Variants in MYOZ1 observed in about 807,000 individuals in gnomAD.
MYOZ1 encodes myozenin 1.
A neutral mutation model predicts 28.7 loss-of-function variants in MYOZ1; 20 were observed. The ratio of observed to expected loss-of-function variants is 0.70; its 90% CI spans 0.49 to 1.01. The LOEUF (loss-of-function observed/expected upper bound fraction) is 1.01. MYOZ1 is among the 50% of genes least tolerant of loss of function. MYOZ1 has a pLI of 0.00. For synonymous variants in MYOZ1, 144 were observed against 145.8 expected, an observed-to-expected ratio of 0.99 and a Z score of 0.09; for missense variants, 371 against 372.4, an observed-to-expected ratio of 1.00 and a Z score of 0.03.
rs1034761966 is a variant in MYOZ1, at chr10:73,631,693, G to A, written c.*237C>T. The A allele has an allele frequency of 2.0e-6, 1 of 494,402 alleles. No homozygotes were observed. The highest frequency in any genetic ancestry group is 3.7e-6 in the Non-Finnish European group (1 of 272,986). 30.6% of individuals were successfully genotyped at this position (494,402 alleles called of 1,614,324 possible). ...AGTTTATTGACTGTTACTGGTGGCA[G>A]AGCAAATTCCATAAACGAGCAGGTT... On this transcript the variant is annotated 3_prime_UTR_variant, in exon 6 of 6. Coordinates refer to ENST00000359322, the MANE Select transcript of MYOZ1 (RefSeq NM_021245.4).
intron 1 of MYOZ1, among the ~76,000 whole-genome samples, chr10:73,640,913 G>A (rs559153260): frequency 4.5e-4 from 68 of 152,226 alleles, no homozygotes; most frequent in African/African-American, 1.6e-3. Flanking sequence ...AATCACTCCC[G>A]CCACAGACCC....
At chr10:73,638,238 T>C (rs985101124) in intron 2 of MYOZ1, among the ~76,000 whole-genome samples, 8 of 151,600 alleles carry the variant, frequency 5.3e-5, no homozygotes, top group African/African-American at 1.9e-4. Context: ...GGAGAAACCA[T>C]GGCATCAGGA....
intron 3 of MYOZ1, among the ~76,000 whole-genome samples, chr10:73,637,014 C>CTTTTTT (rs1229338667): frequency 1.5e-5 from 2 of 132,646 alleles, no homozygotes; most frequent in African/African-American, 5.6e-5. Flanking sequence ...TTTTTTCTTT[C>CTTTTTT]TTTTTTTTTT....
At position 73,637,832 on chromosome 10, in the gene MYOZ1, C is replaced by T. The variant is rs145031411; in HGVS notation, c.164G>A (p.Arg55Gln). 1.4e-5 allele frequency: 23 copies of T among 1,613,938 alleles called. No individual in the cohort carries two copies. In the African/African-American group the frequency reaches 2.3e-4, roughly 16 times the overall value. ...CCGCAGTTTGAACATCTTGGAGCCC[C>T]GGTTGGTAAGCAGCGACAGTTCCTC... ...MLEELSLLTN[R>Q]GSKMFKLRQM... The change falls in exon 3 of 6, where the codon CGG (arginine) becomes CAG (glutamine). Residue 55 changes from arginine (R) to glutamine (Q), a missense_variant. Coordinates refer to ENST00000359322, the MANE Select transcript of MYOZ1 (RefSeq NM_021245.4).
At chr10:73,640,542 C>T (rs750173578) in intron 1 of MYOZ1, among the ~76,000 whole-genome samples, 1 of 152,160 alleles carries the variant, frequency 6.6e-6, no homozygotes, top group South Asian at 2.1e-4. Flanking sequence ...TAGATGCACA[C>T]CAGCCCCTGT....
Position 73,637,731 on chromosome 10 carries a change from G to A in MYOZ1, c.252+13C>T, listed in dbSNP as rs1358905183. The A allele has an allele frequency of 6.2e-7, 1 of 1,607,950 alleles. No individual in the cohort carries two copies. ...CACCAGGCTTTGAGATAGTGATAAA[G>A]TTCCAGACTCACCATTGAGCTGTCA... On this transcript the variant is annotated intron_variant, in intron 3 of 5. Transcript: ENST00000359322.
At chr10:73,641,083 A>G (rs1439908290) in intron 1 of MYOZ1, among the ~76,000 whole-genome samples, 1 of 152,184 alleles carries the variant, frequency 6.6e-6, no homozygotes, top group Non-Finnish European at 1.5e-5. Context: ...ATGGACTCCA[A>G]TCCCTTCTTA....
Position 73,631,883 on chromosome 10 carries a change from A to G in MYOZ1, c.*47T>C. ...TATCTGCTCAGCATTCCCTCTCCAAATTGGAGCCAGAGAGGGGAAATGATG... is the reference window on the plus strand; with the variant it reads ...TATCTGCTCAGCATTCCCTCTCCAAGTTGGAGCCAGAGAGGGGAAATGATG... On this transcript the variant is annotated 3_prime_UTR_variant, in exon 6 of 6. Transcript: ENST00000359322. 6.5e-7 allele frequency: 1 copy of G among 1,529,072 alleles called. No individual in the cohort carries two copies. The highest frequency in any genetic ancestry group is 9.1e-7 in the Non-Finnish European group (1 of 1,104,546). 94.7% of individuals were successfully genotyped at this position (1,529,072 alleles called of 1,614,324 possible).
rs191453255 is a variant in MYOZ1, at chr10:73,640,974, C to T, written c.-19+437G>A. Among the ~76,000 whole-genome samples, 20 of 152,206 alleles carry T rather than the reference C, an allele frequency of 1.3e-4. 1 individual carries two copies. The South Asian group carries it at 1.9e-3, about 14-fold the overall frequency. On this transcript the variant is annotated intron_variant, in intron 1 of 5. Transcript: ENST00000359322. The stretch of plus-strand genomic sequence containing the variant: ...GGAAGGGTAGGGAGCATTCAAATCC[C>T]GACACGTCAATTCAGCAATATCATA...
chr10:73,634,719 C>T lies in MYOZ1; in HGVS notation c.267G>A (p.Lys89=). The part of the protein sequence containing the change: ...FSDSSMDHFQ[K]FLPTVGGQLG... The stretch of plus-strand genomic sequence containing the variant: ...GCTGTCCCCCCACTGTTGGAAGGAA[C>T]TTCTGGAAGTGATCCTGAAAAGAAG... The change falls in exon 4 of 6, where the codon AAG becomes AAA. Residue 89 remains lysine, a synonymous_variant. Coordinates refer to ENST00000359322, the MANE Select transcript of MYOZ1 (RefSeq NM_021245.4). 6.2e-7 allele frequency: 1 copy of T among 1,612,232 alleles called. No individual in the cohort carries two copies. The highest frequency in any genetic ancestry group is 8.5e-7 in the Non-Finnish European group (1 of 1,178,428).
chr10:73,632,225 A>T lies in MYOZ1; in HGVS notation c.669-64T>A. The stretch of plus-strand genomic sequence containing the variant: ...AAAAGAAACAGAGCCTTATCATGAG[A>T]TGCTACCCTCTTTGAGAATAGGGAA... On this transcript the variant is annotated intron_variant, in intron 5 of 5. Coordinates refer to ENST00000359322, the MANE Select transcript of MYOZ1 (RefSeq NM_021245.4). The T allele has an allele frequency of 4.3e-6, 6 of 1,409,248 alleles. 1 individual carries two copies. In the South Asian group the frequency reaches 7.1e-5, roughly 17 times the overall value. 87.3% of individuals were successfully genotyped at this position (1,409,248 alleles called of 1,614,324 possible).
chr10:73,634,860 C>A (rs1014283845), intron 3 of MYOZ1, 127 bp from the exon 4 acceptor site: 2 of 1,113,288 alleles, frequency 1.8e-6, no homozygotes, highest in East Asian at 5.0e-5. Context: ...GATATTTCCC[C>A]CTCCAGTTGA....
At chr10:73,635,877 A>G (rs1206565059) in intron 3 of MYOZ1, among the ~76,000 whole-genome samples, 1 of 151,794 alleles carries the variant, frequency 6.6e-6, no homozygotes, top group Non-Finnish European at 1.5e-5. Flanking sequence ...AGGTGGGGGG[A>G]AGTGTGGCCA....
At chr10:73,632,789 A>G (rs1036915324) in intron 5 of MYOZ1, among the ~76,000 whole-genome samples, 3 of 151,504 alleles carry the variant, frequency 2.0e-5, no homozygotes, top group Admixed American at 2.0e-4. Context: ...GTCTCAAAAA[A>G]AAAAAAAAAA....
intron 5 of MYOZ1, among the ~76,000 whole-genome samples, chr10:73,632,691 T>C (rs960841734): frequency 7.5e-5 from 11 of 146,326 alleles, no homozygotes; most frequent in Non-Finnish European, 3.0e-5. Context: ...GGCTGAGGTA[T>C]AGGAATTGCT....
chr10:73,634,330 C>G (rs145478980), intron 4 of MYOZ1, among the ~76,000 whole-genome samples, 154 bp downstream of exon 4: 1 of 151,952 alleles, frequency 6.6e-6, no homozygotes, highest in Non-Finnish European at 1.5e-5. Context: ...GGTAATTCAC[C>G]AAGATATTTA....
intron 2 of MYOZ1, among the ~76,000 whole-genome samples, chr10:73,639,411 T>C (rs1056734123): frequency 2.0e-5 from 3 of 152,212 alleles, no homozygotes; most frequent in Admixed American, 6.5e-5. Flanking sequence ...CGTGAGCCAC[T>C]GCACCTGGCC....
In MYOZ1 at chr10:73,637,766, T is replaced by G; in HGVS notation, c.230A>C (p.Asp77Ala). ...VEKFIYENHP[D>A]VFSDSSMDHF... ...CACCATTGAGCTGTCAGAGAAAACA[T>G]CAGGGTGGTTCTCATAAATAAACTT... The change falls in exon 3 of 6, where the codon GAT (aspartate) becomes GCT (alanine). Residue 77 changes from aspartate (D) to alanine (A), a missense_variant. By Grantham distance (126) the Asp-to-Ala change is moderately radical (BLOSUM62 -2). Transcript: ENST00000359322. The G allele has an allele frequency of 6.2e-7, 1 of 1,613,808 alleles. No homozygotes were observed. The highest frequency in any genetic ancestry group is 8.5e-7 in the Non-Finnish European group (1 of 1,179,890).
At position 73,637,797 on chromosome 10, in the gene MYOZ1, C is replaced by G; in HGVS notation, c.199G>C (p.Val67Leu). The G allele has an allele frequency of 6.2e-7, 1 of 1,614,134 alleles. No individual in the cohort carries two copies. Among genetic ancestry groups the G allele is most frequent in the Non-Finnish European group, 8.5e-7 (1 of 1,180,040 alleles). Residue 67 changes from valine (V) to leucine (L), a missense_variant, in exon 3 of 6, where the codon GTG becomes CTG. Physicochemically the swap from Val to Leu is conservative, Grantham distance 32. Coordinates refer to ENST00000359322, the MANE Select transcript of MYOZ1 (RefSeq NM_021245.4). Reference protein sequence around the residue: ...SKMFKLRQMRVEKFIYENHPD... With the variant: ...SKMFKLRQMRLEKFIYENHPD... ...TGGTTCTCATAAATAAACTTCTCCA[C>G]CCTCATCTGCCGCAGTTTGAACATC...
Sources: allele counts gnomAD v4.1 joint callset (sites outside exome capture counted in the v4.1 genomes callset), GRCh38; gene constraint gnomAD v4.1.1; transcripts MANE v1.5; gene names NCBI Gene and HGNC (gene_info 2026-07-23, HGNC 2026-07-21).